MBOAT2: variants seen among roughly 807,000 people sequenced by gnomAD.
The protein encoded by MBOAT2 is membrane bound glycerophospholipid O-acyltransferase 2, also known as membrane-bound glycerophospholipid O-acyltransferase 2.
Under a neutral mutation model 63.4 loss-of-function variants are expected in MBOAT2, and 28 were observed. The ratio of observed to expected loss-of-function variants is 0.44; its 90% CI spans 0.33 to 0.61. The LOEUF is 0.61. MBOAT2 is among the 20% of genes least tolerant of loss of function. The pLI, the probability that MBOAT2 is intolerant of heterozygous loss-of-function variation, is 0.03. For synonymous variants in MBOAT2, 211 were observed against 215.6 expected (o/e 0.98, Z 0.19); for missense variants, 470 against 605.8 (o/e 0.78, Z 2.35).
chr2:8,981,623 A>G (rs1349997034), intron 1 of MBOAT2, among the ~76,000 whole-genome samples: 1 of 152,090 alleles, frequency 6.6e-6, no homozygotes, highest in African/African-American at 2.4e-5. Context: ...TGAATGGGCC[A>G]ACACTCAAAG....
intron 3 of MBOAT2, among the ~76,000 whole-genome samples, chr2:8,918,150 C>A (rs1177457677): frequency 2.0e-5 from 3 of 152,166 alleles, no homozygotes; most frequent in Non-Finnish European, 4.4e-5. Context: ...GGAAGTCACA[C>A]CAGTCTACAT....
chr2:9,000,110 T>C (rs771702840), intron 1 of MBOAT2, among the ~76,000 whole-genome samples: 124 of 152,346 alleles, frequency 8.1e-4, no homozygotes, highest in Non-Finnish European at 7.9e-4. Context: ...AGTTAATTGT[T>C]TTTCTTACAC....
At chr2:8,873,687 T>A (rs538908314) in intron 7 of MBOAT2, among the ~76,000 whole-genome samples, 1 of 152,378 alleles carries the variant, frequency 6.6e-6, no homozygotes, top group East Asian at 1.9e-4. Flanking sequence ...TTCCATTGTG[T>A]CTTTTCTGTA....
rs115144687 is a variant in MBOAT2, at chr2:8,885,103, T to C, written c.452-2538A>G. Among the ~76,000 whole-genome samples the C allele has an allele frequency of 1.2e-3, 182 of 152,292 alleles. 1 individual carries two copies. Among genetic ancestry groups the C allele is most frequent in the African/African-American group, 4.2e-3 (173 of 41,562 alleles). ...GCTTAGTTACCCTGAACATACCATTTTTTCACTGAATTAATGGAATGGCGT... is the reference window on the plus strand; with the variant it reads ...GCTTAGTTACCCTGAACATACCATTCTTTCACTGAATTAATGGAATGGCGT... On this transcript the variant is annotated intron_variant, in intron 5 of 12. Coordinates refer to ENST00000305997, the MANE Select transcript of MBOAT2 (RefSeq NM_138799.4).
At chr2:8,925,229 G>T (rs1489804724) in intron 3 of MBOAT2, among the ~76,000 whole-genome samples, 2 of 151,976 alleles carry the variant, frequency 1.3e-5, no homozygotes, top group African/African-American at 2.4e-5. Context: ...GTTCCTCAGG[G>T]GCCATATTTT....
chr2:8,971,916 C>T (rs1008207616), intron 1 of MBOAT2, among the ~76,000 whole-genome samples: 1 of 152,116 alleles, frequency 6.6e-6, no homozygotes, highest in African/African-American at 2.4e-5. Context: ...TAGGAAGAAT[C>T]AATATTGTGA....
rs887445961 is a variant in MBOAT2, at chr2:9,003,672, C to G, written c.-58G>C. 5.6e-6 allele frequency: 6 copies of G among 1,074,174 alleles called. No individual in the cohort carries two copies. The African/African-American group carries it at 1.0e-4, about 18-fold the overall frequency. 66.5% of individuals were successfully genotyped at this position (1,074,174 alleles called of 1,614,324 possible). On this transcript the variant is annotated 5_prime_UTR_variant, in exon 1 of 13. Transcript: ENST00000305997. The surrounding 1 kb of genome is among the most constrained non-coding windows in gnomAD (Gnocchi z 5.4). ...GCTCGCCCGCTCGCGCTGTGCCGGG[C>G]GACGACGAGGATGGGGATGCAGCGG...
At chr2:8,949,620 T>C (rs893906156) in intron 2 of MBOAT2, among the ~76,000 whole-genome samples, 4 of 152,232 alleles carry the variant, frequency 2.6e-5, no homozygotes, top group Admixed American at 6.5e-5. Context: ...CTCTTTATTT[T>C]TGTCAATTTT....
In MBOAT2 at chr2:8,958,505, G is replaced by C; in HGVS notation, c.213C>G (p.Cys71Trp). The C allele has an allele frequency of 6.3e-7, 1 of 1,589,806 alleles. No homozygotes were observed. The highest frequency in any genetic ancestry group is 8.5e-7 in the Non-Finnish European group (1 of 1,173,122). Reference sequence around the variant, plus strand: ...TCAAAATAATTACTTACCATCCAAAGCAAAAAAGTGCAAGATAAAGGCCCA... The same window carrying C: ...TCAAAATAATTACTTACCATCCAAACCAAAAAAGTGCAAGATAAAGGCCCA... ...TLLGLYLALF[C>W]FGWYALHFLV... Residue 71 changes from cysteine to tryptophan, a missense_variant, in exon 2 of 13, where the codon TGC becomes TGG. Transcript: ENST00000305997.
chr2:8,943,330 T>A, intron 2 of MBOAT2, 66 bp from the exon 3 acceptor site: 1 of 994,628 alleles, frequency 1.0e-6, no homozygotes, highest in Non-Finnish European at 1.5e-6. Context: ...TGAAGTGAAT[T>A]AAGCTAAAAA....
At chr2:8,905,518 A>AG (rs1339545181) in intron 4 of MBOAT2, among the ~76,000 whole-genome samples, 2 of 152,222 alleles carry the variant, frequency 1.3e-5, no homozygotes, top group African/African-American at 4.8e-5. Flanking sequence ...ACATGGATGA[A>AG]GCTGGAAACC....
intron 2 of MBOAT2, among the ~76,000 whole-genome samples, chr2:8,957,221 C>T (rs1669290102): frequency 6.6e-6 from 1 of 152,024 alleles, no homozygotes; most frequent in South Asian, 2.1e-4. Context: ...GTTTGAAAAG[C>T]GCCATAATCA....
intron 3 of MBOAT2, among the ~76,000 whole-genome samples, chr2:8,915,560 C>T (rs1666112794): frequency 1.3e-5 from 2 of 152,052 alleles, no homozygotes; most frequent in Admixed American, 6.6e-5. Context: ...TGTTTACTGT[C>T]TGTACTCCTC....
chr2:8,925,477 T>C (rs1381958878), intron 3 of MBOAT2, among the ~76,000 whole-genome samples: 1 of 152,228 alleles, frequency 6.6e-6, no homozygotes, highest in African/African-American at 2.4e-5. Context: ...GGGAAAAGGA[T>C]GAAGACACCA....
intron 9 of MBOAT2, among the ~76,000 whole-genome samples, chr2:8,865,858 G>A (rs1239533000): frequency 6.6e-6 from 1 of 152,172 alleles, no homozygotes; most frequent in Non-Finnish European, 1.5e-5. Flanking sequence ...CCAACATGGT[G>A]AAAAGCTGTC....
chr2:8,860,527 T>C lies in MBOAT2; in HGVS notation c.1337+86A>G, dbSNP rs554487967. On this transcript the variant is annotated intron_variant, in intron 12 of 12. Transcript: ENST00000305997. ...TCAGCAGGAAATGTGGCTATGGTAC[T>C]GTTTTTCTATTCTATCCAATAGCAA... 9.0e-6 allele frequency: 12 copies of C among 1,338,122 alleles called. No homozygotes were observed. The Admixed American group carries it at 1.3e-4, about 14-fold the overall frequency. The allele number at this position is 1,338,122 out of a possible 1,614,324, so 82.9% of individuals were successfully genotyped here. A position where few individuals can be genotyped will look rare whatever the true frequency, so the allele number is the denominator to read the frequency against.
intron 3 of MBOAT2, among the ~76,000 whole-genome samples, chr2:8,917,444 CAAAAG>C (rs1349345677): frequency 6.6e-6 from 1 of 151,736 alleles, no homozygotes; most frequent in Non-Finnish European, 1.5e-5. Flanking sequence ...CAAAATGTCC[CAAAAG>C]AAGATACACA....
At chr2:8,957,806 T>G (rs896045480) in intron 2 of MBOAT2, among the ~76,000 whole-genome samples, 1 of 152,186 alleles carries the variant, frequency 6.6e-6, no homozygotes, top group Non-Finnish European at 1.5e-5. Context: ...GCTGAGAGTT[T>G]CTGCTGTTTT....
chr2:8,872,885 C>T, intron 8 of MBOAT2, among the ~76,000 whole-genome samples: 1 of 152,260 alleles, frequency 6.6e-6, no homozygotes, highest in Middle Eastern at 3.4e-3. Context: ...TATCTGTTGT[C>T]TTTCATTGAT....
Sources: allele counts gnomAD v4.1 joint callset (sites outside exome capture counted in the v4.1 genomes callset), GRCh38; gene constraint gnomAD v4.1.1; non-coding constraint Gnocchi (gnomAD v3.1); transcripts MANE v1.5; gene names NCBI Gene and HGNC (gene_info 2026-07-23, HGNC 2026-07-21).